The following SLC25A21 variants were observed in gnomAD, a reference collection of about 807,000 sequenced individuals.
SLC25A21 encodes the protein mitochondrial 2-oxodicarboxylate carrier.
In SLC25A21, 47 loss-of-function variants were observed where a neutral mutation model predicts 43.8. The observed-to-expected ratio is 1.07, with a 90% CI of 0.85 to 1.37. The LOEUF (loss-of-function observed/expected upper bound fraction) is 1.37. Ranked by LOEUF, SLC25A21 falls within the 40% of genes most tolerant of loss-of-function variation. The pLI is 0.00. For missense variants in SLC25A21, 352 were observed against 350.2 expected, an observed-to-expected ratio of 1.00 and a Z score of -0.04; for synonymous variants, 131 against 121.3, an observed-to-expected ratio of 1.08 and a Z score of -0.52.
At chr14:36,702,139 G>A (rs2139171648) in intron 7 of SLC25A21, among the ~76,000 whole-genome samples, 1 of 152,100 alleles carries the variant, frequency 6.6e-6, no homozygotes, top group East Asian at 1.9e-4. Flanking sequence ...TTCTGGTCAA[G>A]CTAACCTCTG....
intron 3 of SLC25A21, among the ~76,000 whole-genome samples, chr14:36,790,978 A>G (rs979787693): frequency 6.8e-6 from 1 of 146,682 alleles, no homozygotes; most frequent in African/African-American, 2.5e-5. Flanking sequence ...ATTCAGCAAA[A>G]TATCTTTCTT....
At chr14:37,156,043 C>T (rs764086662) in intron 1 of SLC25A21, among the ~76,000 whole-genome samples, 10 of 151,718 alleles carry the variant, frequency 6.6e-5, no homozygotes, top group Admixed American at 3.3e-4. Context: ...TCTGTAACCC[C>T]AGCTACTCAG....
intron 1 of SLC25A21, among the ~76,000 whole-genome samples, chr14:36,979,005 C>G (rs931134588): frequency 6.6e-6 from 1 of 152,170 alleles, no homozygotes; most frequent in African/African-American, 2.4e-5. Flanking sequence ...GGAGGATCAC[C>G]TGGGCCCAGA....
chr14:36,961,958 G>A, intron 1 of SLC25A21, among the ~76,000 whole-genome samples: 1 of 152,048 alleles, frequency 6.6e-6, no homozygotes, highest in Non-Finnish European at 1.5e-5. Context: ...TAGAGCCCCA[G>A]GACAGCAATT....
chr14:36,861,095 G>C (rs1890053102), intron 2 of SLC25A21, among the ~76,000 whole-genome samples: 1 of 152,134 alleles, frequency 6.6e-6, no homozygotes, highest in Admixed American at 6.6e-5. Flanking sequence ...CTAAATCTCA[G>C]CTGTGCCCTG....
chr14:36,870,707 T>C (rs1368322678), intron 2 of SLC25A21: 1 of 152,154 alleles, frequency 6.6e-6, no homozygotes. Context: ...ACAACCAGTA[T>C]ATGTATAATA....
chr14:36,756,207 G>A (rs987347382), intron 3 of SLC25A21, among the ~76,000 whole-genome samples: 6 of 152,302 alleles, frequency 3.9e-5, no homozygotes, highest in Admixed American at 2.0e-4. Context: ...GAAGGGAAGC[G>A]GGGGCAGCTG....
At chr14:37,045,363 T>A (rs572310283) in intron 1 of SLC25A21, among the ~76,000 whole-genome samples, 9 of 152,324 alleles carry the variant, frequency 5.9e-5, no homozygotes, top group Admixed American at 3.3e-4. Context: ...AATGATATTT[T>A]AAAAATCTAT....
chr14:36,979,323 G>GTTTTTT (rs145296225), intron 1 of SLC25A21, among the ~76,000 whole-genome samples: 1 of 123,756 alleles, frequency 8.1e-6, no homozygotes, highest in African/African-American at 6.2e-5. Flanking sequence ...TTAAGGTAGT[G>GTTTTTT]TTTTTTTGGT....
In SLC25A21 at chr14:36,678,498, A is replaced by AGACT. The variant is rs1555317988; in HGVS notation, c.*2156_*2159dup. The AGACT allele has an allele frequency of 6.5e-7, 1 of 1,536,968 alleles. No individual in the cohort carries two copies. Among genetic ancestry groups the AGACT allele is most frequent in the East Asian group, 2.4e-5 (1 of 40,914 alleles). On this transcript the variant is annotated 3_prime_UTR_variant, in exon 10 of 10. Coordinates refer to ENST00000331299, the MANE Select transcript of SLC25A21 (RefSeq NM_030631.4). Reference sequence around the variant, plus strand: ...GGAGTTCCCAGTCTGGTGAGAAAATAGACTATAAACTGAATGGAACAAAGA... The same window carrying AGACT: ...GGAGTTCCCAGTCTGGTGAGAAAATAGACTGACTATAAACTGAATGGAACAAAGA...
At chr14:36,800,273 T>G (rs1354005021) in intron 3 of SLC25A21, among the ~76,000 whole-genome samples, 1 of 152,138 alleles carries the variant, frequency 6.6e-6, no homozygotes. Context: ...TGTCCACCAG[T>G]GTTCATAGCA....
chr14:36,783,570 G>C (rs549199860), intron 3 of SLC25A21, among the ~76,000 whole-genome samples: 21 of 152,246 alleles, frequency 1.4e-4, no homozygotes, highest in Admixed American at 1.2e-3. Flanking sequence ...CACTCACTCA[G>C]TATGCTCTCG....
chr14:36,880,342 T>C (rs1449391558), intron 1 of SLC25A21, among the ~76,000 whole-genome samples: 2 of 152,184 alleles, frequency 1.3e-5, no homozygotes, highest in Non-Finnish European at 2.9e-5. Flanking sequence ...GTTATCTACC[T>C]CCAGACACTC....
Position 36,711,384 on chromosome 14 carries a change from A to G in SLC25A21, c.537T>C (p.His179=). The G allele has an allele frequency of 6.2e-7, 1 of 1,614,146 alleles. No homozygotes were observed. Among genetic ancestry groups the G allele is most frequent in the Non-Finnish European group, 8.5e-7 (1 of 1,180,020 alleles). ...NKGLTATLGR[H]GVFNMVYFGF... is the part of the protein sequence containing the mutation. ...CAAAATAAACCATGTTGAAAACTCC[A>G]TGTCGTCCCAAAGTTGCAGTTAATC... The change falls in exon 7 of 10, where the codon CAT becomes CAC. Residue 179 remains histidine (H), a synonymous_variant. Transcript: ENST00000331299.
chr14:37,002,568 T>C (rs1960511920), intron 1 of SLC25A21, among the ~76,000 whole-genome samples: 1 of 152,196 alleles, frequency 6.6e-6, no homozygotes, highest in South Asian at 2.1e-4. Context: ...AATTCCTCTG[T>C]AGCTTGTCTG....
rs1555320690 is a variant in SLC25A21 at position 36,702,493 on chromosome 14, A to AAG, written c.603+8824_603+8825insCT. Among the ~76,000 whole-genome samples, 32 of 150,258 alleles carry AAG rather than the reference A, an allele frequency of 2.1e-4. No homozygotes were observed. The East Asian group carries it at 3.2e-3, about 15-fold the overall frequency. On this transcript the variant is annotated intron_variant, in intron 7 of 9. Transcript: ENST00000331299. ...GTCTCCACAAAAAAAAAAAAAAAAA[A>AAG]AAAGAAAGAAAGAAAAAGAAAAAAA...
chr14:37,071,505 C>T lies in SLC25A21; in HGVS notation c.70+100776G>A, dbSNP rs189968353. On this transcript the variant is annotated intron_variant, in intron 1 of 9. Transcript: ENST00000331299. The stretch of plus-strand genomic sequence containing the variant: ...AAAACCCCTATAAACAGAAGCAGCC[C>T]TGAGCTAGAAGGTAGCTTCAGAATA... Among the ~76,000 whole-genome samples, 724 of 152,302 alleles carry T rather than the reference C, an allele frequency of 4.8e-3. 4 individuals carry two copies. Among genetic ancestry groups the T allele is most frequent in the Middle Eastern group, 0.037 (11 of 294 alleles).
intron 1 of SLC25A21, among the ~76,000 whole-genome samples, chr14:36,894,470 T>A (rs1362196039): frequency 6.6e-6 from 1 of 152,172 alleles, no homozygotes; most frequent in Non-Finnish European, 1.5e-5. Flanking sequence ...AGATATACAA[T>A]CATGTCATCT....
intron 7 of SLC25A21, among the ~76,000 whole-genome samples, chr14:36,690,814 C>T (rs189538804): frequency 3.9e-5 from 6 of 152,266 alleles, no homozygotes; most frequent in Admixed American, 2.6e-4. Flanking sequence ...CTTGGCCAGT[C>T]GTTGGCTGTT....
Sources: allele counts gnomAD v4.1 joint callset (sites outside exome capture counted in the v4.1 genomes callset), GRCh38; gene constraint gnomAD v4.1.1; transcripts MANE v1.5; gene names NCBI Gene and HGNC (gene_info 2026-07-23, HGNC 2026-07-21).